Variants in RC3H2 observed in about 807,000 individuals in gnomAD.
The protein encoded by RC3H2 is roquin-2.
A neutral mutation model predicts 133.3 loss-of-function variants in RC3H2; 31 were observed. That is an observed-to-expected ratio of 0.23 (90% CI 0.17 to 0.31). The LOEUF (loss-of-function observed/expected upper bound fraction) is 0.31, where lower values mean the gene tolerates loss of function less well. Ranked by LOEUF, RC3H2 falls within the 10% of genes least tolerant of loss-of-function variation. The pLI, the probability that RC3H2 is intolerant of heterozygous loss-of-function variation, is 1.00. For missense variants in RC3H2, 1,175 were observed against 1,437.2 expected (o/e 0.82, Z 2.95); for synonymous variants, 517 against 502.2 (o/e 1.03, Z -0.40).
At chr9:122,850,134 G>A (rs1031341356) in intron 20 of RC3H2, among the ~76,000 whole-genome samples, 7 of 151,892 alleles carry the variant, frequency 4.6e-5, no homozygotes, top group African/African-American at 9.7e-5. Context: ...GTGCCACCAC[G>A]CCCAGCTATT....
intron 18 of RC3H2, 87 bp downstream of exon 18, chr9:122,853,865 A>G: frequency 6.2e-7 from 1 of 1,613,014 alleles, no homozygotes; most frequent in Non-Finnish European, 8.5e-7. Flanking sequence ...TAGGCACACC[A>G]AAATGCACTC....
At chr9:122,900,593 G>A (rs943060232) in intron 1 of RC3H2, among the ~76,000 whole-genome samples, 1 of 152,070 alleles carries the variant, frequency 6.6e-6, no homozygotes. Flanking sequence ...GGAGCACTAA[G>A]ACTACATATT....
At position 122,868,880 on chromosome 9, in the gene RC3H2, TGTGTGTGTGTATG is replaced by T. The variant is rs1430587499; in HGVS notation, c.1326-3236_1326-3224del. 4.0e-3 allele frequency among the ~76,000 whole-genome samples: 91 copies of T among 22,478 alleles called. 1 individual carries two copies. The highest frequency in any genetic ancestry group is 6.1e-3 in the African/African-American group (66 of 10,846). The allele number at this position is 22,478 out of a possible 152,430, so 14.7% of individuals were successfully genotyped here. On this transcript the variant is annotated intron_variant, in intron 9 of 20. Coordinates refer to ENST00000357244, the MANE Select transcript of RC3H2 (RefSeq NM_001100588.3). ...GTGTGTGTGTGTGTGTGTGTGTGTGTGTGTGTGTGTATGTGTTTTTTTTTTTTTTTTTTGTGGG... is the reference window on the plus strand; with the variant it reads ...GTGTGTGTGTGTGTGTGTGTGTGTGTTGTTTTTTTTTTTTTTTTTTGTGGG...
At position 122,883,269 on chromosome 9, in the gene RC3H2, G is replaced by T; in HGVS notation, c.694C>A (p.Pro232Thr). The T allele has an allele frequency of 6.2e-7, 1 of 1,613,634 alleles. No individual in the cohort carries two copies. Among genetic ancestry groups the T allele is most frequent in the African/African-American group, 1.3e-5 (1 of 75,030 alleles). ...CCAATACTTGTTTTTGATGCCTGAG[G>T]AAATCTTGGTTCTAGTCTCTGCACA... ...FVVQRLEPRF[P>T]QASKTSIGHV... Residue 232 changes from proline to threonine, a missense_variant, in exon 5 of 21, where the codon CCT (proline) becomes ACT (threonine). Physicochemically the swap from Pro to Thr is conservative, Grantham distance 38 (BLOSUM62 -1). This residue lies in a region of RC3H2 where 121 missense variants were observed against 243.5 expected (regional missense o/e 0.50). Coordinates refer to ENST00000357244, the MANE Select transcript of RC3H2 (RefSeq NM_001100588.3).
intron 18 of RC3H2, among the ~76,000 whole-genome samples, chr9:122,852,429 C>G (rs1233093987): frequency 1.4e-5 from 2 of 148,016 alleles, no homozygotes; most frequent in East Asian, 2.1e-4. Flanking sequence ...CCCCGCCTGG[C>G]CAGCCGCCCC....
intron 4 of RC3H2, among the ~76,000 whole-genome samples, chr9:122,886,738 C>T (rs1831930907): frequency 6.6e-6 from 1 of 152,148 alleles, no homozygotes; most frequent in South Asian, 2.1e-4. Flanking sequence ...ACAAGTATGT[C>T]CCTGTGATTT....
intron 4 of RC3H2, among the ~76,000 whole-genome samples, chr9:122,889,636 G>T (rs77459166): frequency 6.6e-6 from 1 of 151,810 alleles, no homozygotes; most frequent in African/African-American, 2.4e-5. Flanking sequence ...CCCTAAAAAC[G>T]ATCAAGAGTT....
chr9:122,852,775 G>A (rs1318412934), intron 18 of RC3H2, among the ~76,000 whole-genome samples: 18 of 148,266 alleles, frequency 1.2e-4, no homozygotes, highest in South Asian at 2.1e-4. Flanking sequence ...TCAGCCCCCC[G>A]CCTGGCCAGC....
rs759225154 is a variant in RC3H2, at chr9:122,858,052, T to A, written c.2325A>T (p.Ile775=). ...GHLKTSCEEQ[I]RRKPDQWAQY... is the part of the protein sequence containing the mutation. Reference sequence around the variant, plus strand: ...GTGCCCACTGATCTGGCTTTCTTCTTATCTGCTCCTCGCAACTGGTCTTCA... The same window carrying A: ...GTGCCCACTGATCTGGCTTTCTTCTAATCTGCTCCTCGCAACTGGTCTTCA... Residue 775 remains isoleucine, a synonymous_variant, in exon 13 of 21, where the codon ATA becomes ATT. Transcript: ENST00000357244. 6.2e-7 allele frequency: 1 copy of A among 1,614,232 alleles called. No individual in the cohort carries two copies. Among genetic ancestry groups the A allele is most frequent in the East Asian group, 2.2e-5 (1 of 44,884 alleles).
chr9:122,852,253 C>G (rs1266091922), intron 18 of RC3H2, among the ~76,000 whole-genome samples: 1 of 150,116 alleles, frequency 6.7e-6, no homozygotes, highest in Non-Finnish European at 1.5e-5. Context: ...AGGAGACCCT[C>G]CGCCCGGCAG....
At chr9:122,873,281 T>A (rs1422827636) in intron 9 of RC3H2, among the ~76,000 whole-genome samples, 1 of 152,228 alleles carries the variant, frequency 6.6e-6, no homozygotes, top group African/African-American at 2.4e-5. Flanking sequence ...TCCTTTGTAT[T>A]ATCCCTGTTT....
At position 122,865,602 on chromosome 9, in the gene RC3H2, T is replaced by A; in HGVS notation, c.1381A>T (p.Asn461Tyr). The change falls in exon 10 of 21, where the codon AAT becomes TAT. Residue 461 changes from asparagine to tyrosine, a missense_variant. Around this residue, in one of 8 missense-constraint regions of RC3H2, gnomAD observed 490 missense variants for 492.8 expected, o/e 0.99. Coordinates refer to ENST00000357244, the MANE Select transcript of RC3H2 (RefSeq NM_001100588.3). Reference sequence around the variant, plus strand: ...ACAGTGTTGTTTACACCAACTTTATTTAGAAGAGGAAACGTTCTTACAGTG... The same window carrying A: ...ACAGTGTTGTTTACACCAACTTTATATAGAAGAGGAAACGTTCTTACAGTG... ...NATVRTFPLL[N>Y]KVGVNNTVTT... 1 of 1,614,066 alleles carries A rather than the reference T, an allele frequency of 6.2e-7. No individual in the cohort carries two copies. The highest frequency in any genetic ancestry group is 8.5e-7 in the Non-Finnish European group (1 of 1,180,032).
At chr9:122,893,170 G>A (rs896855796) in intron 2 of RC3H2, 144 bp from the exon 3 acceptor site, 11 of 1,198,682 alleles carry the variant, frequency 9.2e-6, no homozygotes, top group Non-Finnish European at 1.2e-5. Flanking sequence ...TAAAATTAAA[G>A]TCAAACACCT....
In RC3H2 at chr9:122,849,692, C is replaced by T; in HGVS notation, c.3511G>A (p.Val1171Ile). The change falls in exon 21 of 21, where the codon GTT becomes ATT. Residue 1171 changes from valine (V) to isoleucine (I), a missense_variant. Val to Ile is a conservative substitution (Grantham distance 29). Around this residue, in one of 8 missense-constraint regions of RC3H2, gnomAD observed 220 missense variants for 201.1 expected, o/e 1.09. Transcript: ENST00000357244. ...AAGTCGTTTTTATCTTCAGACATAACATGAGTTTTCAGAATGAGGTTGCCA... is the reference window on the plus strand; with the variant it reads ...AAGTCGTTTTTATCTTCAGACATAATATGAGTTTTCAGAATGAGGTTGCCA... Reference protein sequence around the residue: ...SAGNLILKTHVMSEDKNDFLK... With the variant: ...SAGNLILKTHIMSEDKNDFLK... 1.9e-6 allele frequency: 3 copies of T among 1,611,422 alleles called. No homozygotes were observed. Among genetic ancestry groups the T allele is most frequent in the Non-Finnish European group, 2.5e-6 (3 of 1,178,790 alleles).
Position 122,851,030 on chromosome 9 carries a change from CTTTA to C in RC3H2, c.3380+47_3380+50del, listed in dbSNP as rs1344324420. The C allele has an allele frequency of 3.1e-6, 5 of 1,587,604 alleles. No homozygotes were observed. In the African/African-American group the frequency reaches 5.4e-5, roughly 17 times the overall value. ...AAAAATTAATTTCGCATTTTTTTCT[CTTTA>C]TTATGTCCTATGCCCACTGTTTATG... On this transcript the variant is annotated intron_variant, in intron 20 of 20. Transcript: ENST00000357244.
At chr9:122,879,625 CA>C (rs761885993) in intron 8 of RC3H2, 129 bp downstream of exon 8, 2 of 630,576 alleles carry the variant, frequency 3.2e-6, no homozygotes, top group Non-Finnish European at 5.4e-6. Flanking sequence ...GGGTTCCTCC[CA>C]AAAGAATAGA....
At chr9:122,898,498 C>G (rs1465595926) in intron 1 of RC3H2, among the ~76,000 whole-genome samples, 1 of 151,950 alleles carries the variant, frequency 6.6e-6, no homozygotes, top group East Asian at 1.9e-4. Context: ...ACCTATAATC[C>G]CAGCACTTTG....
chr9:122,892,877 C>T (rs1314321342), intron 3 of RC3H2, 32 bp downstream of exon 3: 2 of 1,541,168 alleles, frequency 1.3e-6, no homozygotes, highest in South Asian at 1.1e-5. Context: ...CCAAGTCCTA[C>T]TTATCAGTAA....
chr9:122,875,427 G>C (rs1428528720), intron 9 of RC3H2: 12 of 1,452,088 alleles, frequency 8.3e-6, no homozygotes, highest in African/African-American at 1.4e-5. Flanking sequence ...TCTGTAAAGG[G>C]TTTTTATAAA....
Sources: allele counts gnomAD v4.1 joint callset (sites outside exome capture counted in the v4.1 genomes callset), GRCh38; gene constraint gnomAD v4.1.1; regional missense constraint gnomAD v4.1.1; transcripts MANE v1.5; gene names NCBI Gene and HGNC (gene_info 2026-07-23, HGNC 2026-07-21).